Variants in CTNNA3 observed in about 807,000 individuals in gnomAD.
The protein encoded by CTNNA3 is catenin alpha-3.
A neutral mutation model predicts 95.7 loss-of-function variants in CTNNA3; 76 were observed. That is an observed-to-expected ratio of 0.79 (90% CI 0.66 to 0.96). CTNNA3 has a LOEUF of 0.96. Ranked by LOEUF, CTNNA3 falls within the 40% of genes least tolerant of loss-of-function variation. The probability of loss-of-function intolerance (pLI) is 0.00; values close to 1 mark genes in which losing one functional copy is unlikely to be tolerated. For missense variants in CTNNA3, 1,191 were observed against 1,089.8 expected, an observed-to-expected ratio of 1.09 and a Z score of -1.31; for synonymous variants, 431 against 374.4, an observed-to-expected ratio of 1.15 and a Z score of -1.74.
intron 7 of CTNNA3, among the ~76,000 whole-genome samples, chr10:66,822,855 T>G (rs1842349648): frequency 6.6e-6 from 1 of 152,242 alleles, no homozygotes; most frequent in Non-Finnish European, 1.5e-5. Flanking sequence ...ATTCAGTAAG[T>G]AAGGAACCTT....
intron 10 of CTNNA3, among the ~76,000 whole-genome samples, chr10:66,571,304 G>T (rs1164719420): frequency 6.6e-6 from 1 of 152,170 alleles, no homozygotes; most frequent in Non-Finnish European, 1.5e-5. Context: ...GCCTGAATTG[G>T]TTATCGCATT....
At chr10:66,365,069 G>A (rs2092701977) in intron 12 of CTNNA3, among the ~76,000 whole-genome samples, 1 of 152,044 alleles carries the variant, frequency 6.6e-6, no homozygotes, top group South Asian at 2.1e-4. Context: ...TAAATGTCAG[G>A]CGAGAAAACA....
At chr10:66,314,891 A>G (rs2092077211) in intron 12 of CTNNA3, among the ~76,000 whole-genome samples, 1 of 152,086 alleles carries the variant, frequency 6.6e-6, no homozygotes. Flanking sequence ...CTGCTTTTGC[A>G]CTCAGTTGTG....
chr10:66,666,276 C>T (rs77412735), intron 9 of CTNNA3, among the ~76,000 whole-genome samples: 7,467 of 152,164 alleles, frequency 0.049, 242 homozygotes, highest in Non-Finnish European at 0.069. Flanking sequence ...CCTGGTATTA[C>T]GGAATTTCAG....
In CTNNA3 at chr10:67,661,285, A is replaced by G. The variant is rs990443356; in HGVS notation, c.-5-13767T>C. ...AGAAAAGGAAGGAAGAAAGAGAAAA[A>G]GGAGGGAGGGAGGGAGGGAAGAAAG... On this transcript the variant is annotated intron_variant, in intron 1 of 17. Coordinates refer to ENST00000433211, the MANE Select transcript of CTNNA3 (RefSeq NM_013266.4). Among the ~76,000 whole-genome samples the G allele has an allele frequency of 3.5e-5, 5 of 141,916 alleles. No homozygotes were observed. In the South Asian group the frequency reaches 1.3e-3, roughly 37 times the overall value. 93.1% of individuals were successfully genotyped at this position (141,916 alleles called of 152,430 possible). A position where few individuals can be genotyped will look rare whatever the true frequency, so the allele number is the denominator to read the frequency against.
chr10:66,755,016 G>A (rs1239430454), intron 9 of CTNNA3, among the ~76,000 whole-genome samples: 2 of 152,126 alleles, frequency 1.3e-5, no homozygotes, highest in Admixed American at 1.3e-4. Flanking sequence ...GCATATACAT[G>A]TTCATCAGAA....
chr10:67,754,191 A>G (rs1841421710), intron 1 of CTNNA3, among the ~76,000 whole-genome samples: 1 of 152,152 alleles, frequency 6.6e-6, no homozygotes, highest in Non-Finnish European at 1.5e-5. Context: ...AGAAGCCATT[A>G]TTTTCAGCAA....
intron 7 of CTNNA3, among the ~76,000 whole-genome samples, chr10:67,170,770 A>G (rs2132112734): frequency 6.6e-6 from 1 of 152,278 alleles, no homozygotes; most frequent in East Asian, 1.9e-4. Context: ...GTATCTAAAA[A>G]AAGGTTAAAA....
chr10:67,237,235 C>A (rs927395983), intron 5 of CTNNA3, among the ~76,000 whole-genome samples: 1 of 142,258 alleles, frequency 7.0e-6, no homozygotes, highest in Non-Finnish European at 1.5e-5. Context: ...TTTGCAGCGA[C>A]CTGGATGAGA....
At chr10:65,967,962 A>G (rs2078011066) in intron 16 of CTNNA3, among the ~76,000 whole-genome samples, 1 of 152,248 alleles carries the variant, frequency 6.6e-6, no homozygotes, top group South Asian at 2.1e-4. Flanking sequence ...ATAAGAATGA[A>G]TATCAATATA....
chr10:67,637,078 G>A (rs541319992), intron 2 of CTNNA3, among the ~76,000 whole-genome samples: 1 of 152,290 alleles, frequency 6.6e-6, no homozygotes, highest in East Asian at 1.9e-4. Context: ...GCTAAAGGAG[G>A]AAGTTCGAAC....
At position 66,767,456 on chromosome 10, in the gene CTNNA3, C is replaced by CA. The variant is rs5785782; in HGVS notation, c.1129-1041dup. Among the ~76,000 whole-genome samples the CA allele has an allele frequency of 4.7e-4, 66 of 140,620 alleles. 1 individual carries two copies. The highest frequency in any genetic ancestry group is 5.0e-4 in the African/African-American group (19 of 37,654). The allele number at this position is 140,620 out of a possible 152,430, so 92.3% of individuals were successfully genotyped here. On this transcript the variant is annotated intron_variant, in intron 8 of 17. Transcript: ENST00000433211. Reference sequence around the variant, plus strand: ...GTGAGACTCCATCCACTCCCCCCGACAAAAAAAAAAAAATCATAATATCCT... The same window carrying CA: ...GTGAGACTCCATCCACTCCCCCCGACAAAAAAAAAAAAAATCATAATATCCT...
intron 7 of CTNNA3, chr10:67,097,861 A>T: frequency 6.9e-7 from 1 of 1,441,262 alleles, no homozygotes; most frequent in Non-Finnish European, 9.7e-7. Context: ...AATGAGGAAG[A>T]TGTGTTCATT....
chr10:67,357,006 C>A (rs549214911), intron 5 of CTNNA3, among the ~76,000 whole-genome samples: 1 of 152,230 alleles, frequency 6.6e-6, no homozygotes, highest in South Asian at 2.1e-4. Context: ...CATTCTCCTA[C>A]ACAACCGTTT....
At chr10:66,568,947 G>A (rs182675891) in intron 10 of CTNNA3, among the ~76,000 whole-genome samples, 22 of 152,144 alleles carry the variant, frequency 1.4e-4, no homozygotes, top group Admixed American at 1.3e-3. Context: ...GGAGGAGGAA[G>A]AGAGAAGTAA....
intron 13 of CTNNA3, among the ~76,000 whole-genome samples, chr10:66,157,699 TA>T (rs1482434783): frequency 1.3e-5 from 2 of 152,076 alleles, no homozygotes; most frequent in African/African-American, 4.8e-5. Flanking sequence ...GTGAGATTAC[TA>T]GATCAAATGG....
intron 8 of CTNNA3, among the ~76,000 whole-genome samples, chr10:66,767,556 A>C (rs557512310): frequency 6.6e-6 from 1 of 152,276 alleles, no homozygotes; most frequent in Non-Finnish European, 1.5e-5. Flanking sequence ...CATATAGTTC[A>C]ATAACCTCTG....
intron 3 of CTNNA3, among the ~76,000 whole-genome samples, chr10:67,587,837 A>G (rs1036610826): frequency 2.6e-5 from 4 of 152,162 alleles, no homozygotes; most frequent in African/African-American, 9.7e-5. Context: ...ATGAACACCA[A>G]TAATTTGTAA....
intron 2 of CTNNA3, among the ~76,000 whole-genome samples, chr10:67,612,989 T>A (rs575598464): frequency 3.3e-5 from 5 of 152,154 alleles, no homozygotes; most frequent in Non-Finnish European, 7.3e-5. Flanking sequence ...AAAATGTAAA[T>A]CTCTCATATT....
Sources: gnomAD v4.1 joint callset for allele counts (sites outside exome capture counted in the v4.1 genomes callset) on GRCh38, gnomAD v4.1.1 for gene constraint, MANE v1.5 for transcripts, NCBI Gene and HGNC (gene_info 2026-07-23, HGNC 2026-07-21) for gene names.